Variants in MACROD2 observed in about 807,000 individuals in gnomAD.
MACROD2 encodes mono-ADP ribosylhydrolase 2, also known as ADP-ribose glycohydrolase MACROD2.
In MACROD2, 36 loss-of-function variants were observed where a neutral mutation model predicts 70.4. The ratio of observed to expected loss-of-function variants is 0.51; its 90% confidence interval spans 0.39 to 0.68. MACROD2 has a LOEUF of 0.68. MACROD2 is among the 30% of genes least tolerant of loss of function. The pLI is 0.00. For missense variants in MACROD2, 496 were observed against 538.4 expected (o/e 0.92, Z 0.78); for synonymous variants, 172 against 178.8 (o/e 0.96, Z 0.30).
At chr20:15,392,075 C>T (rs1182945087) in intron 6 of MACROD2, among the ~76,000 whole-genome samples, 1 of 152,056 alleles carries the variant, frequency 6.6e-6, no homozygotes, top group Non-Finnish European at 1.5e-5. Context: ...AGAGATACTC[C>T]TAATGGTTTA....
At chr20:14,757,955 C>G in intron 5 of MACROD2, 1 of 931,964 alleles carries the variant, frequency 1.1e-6, no homozygotes. Context: ...GAGTGCTGTG[C>G]CCCCTGGTGC....
intron 8 of MACROD2, among the ~76,000 whole-genome samples, chr20:15,696,250 A>G (rs1388348239): frequency 6.6e-6 from 1 of 152,158 alleles, no homozygotes; most frequent in Non-Finnish European, 1.5e-5. Context: ...TTTTAATCAT[A>G]AAGAGATGCT....
At chr20:15,609,623 T>G (rs914736347) in intron 8 of MACROD2, among the ~76,000 whole-genome samples, 5 of 152,150 alleles carry the variant, frequency 3.3e-5, no homozygotes, top group Non-Finnish European at 7.3e-5. Context: ...ACATGCAAGC[T>G]CTCAATAATG....
intron 5 of MACROD2, among the ~76,000 whole-genome samples, chr20:15,036,699 C>CA (rs2075315825): frequency 6.6e-6 from 1 of 152,016 alleles, no homozygotes; most frequent in Non-Finnish European, 1.5e-5. Context: ...CACAAAAACT[C>CA]ACCATCATCT....
chr20:14,027,841 GTC>G (rs1331221133), intron 2 of MACROD2, among the ~76,000 whole-genome samples: 5 of 152,212 alleles, frequency 3.3e-5, no homozygotes, highest in African/African-American at 1.2e-4. Context: ...TGTATGAGGT[GTC>G]TGTCGACCCC....
intron 7 of MACROD2, among the ~76,000 whole-genome samples, chr20:15,487,666 T>C (rs2047179532): frequency 6.6e-6 from 1 of 152,100 alleles, no homozygotes. Flanking sequence ...TAGAGTGTCA[T>C]GGCCAAGGTC....
intron 8 of MACROD2, among the ~76,000 whole-genome samples, chr20:15,745,011 T>C (rs1179783863): frequency 6.6e-6 from 1 of 152,170 alleles, no homozygotes; most frequent in Admixed American, 6.5e-5. Flanking sequence ...ACATTATGTA[T>C]TTGGGGACTT....
chr20:15,207,445 T>TTTG (rs1555792632), intron 5 of MACROD2, among the ~76,000 whole-genome samples: 1 of 135,792 alleles, frequency 7.4e-6, no homozygotes, highest in Admixed American at 7.4e-5. Context: ...GGTTTTTTTT[T>TTTG]TTTTTTTTTT....
chr20:14,896,313 A>G (rs1163622750), intron 5 of MACROD2, among the ~76,000 whole-genome samples: 1 of 152,116 alleles, frequency 6.6e-6, no homozygotes, highest in Non-Finnish European at 1.5e-5. Context: ...AAATAAATAA[A>G]ATTAAAAAAA....
intron 6 of MACROD2, among the ~76,000 whole-genome samples, chr20:15,387,738 A>AT (rs11304564): frequency 0.035 from 4,528 of 130,250 alleles, 105 homozygotes; most frequent in Non-Finnish European, 0.049. Flanking sequence ...AAACTCAGGG[A>AT]TTTTTTTTTT....
chr20:14,411,984 A>G (rs2083754865), intron 3 of MACROD2, among the ~76,000 whole-genome samples: 10 of 152,198 alleles, frequency 6.6e-5, no homozygotes, highest in Admixed American at 6.5e-4. Context: ...TGTATTTTCT[A>G]GAAGTGCCCC....
At chr20:14,872,432 C>T (rs2073499527) in intron 5 of MACROD2, among the ~76,000 whole-genome samples, 1 of 152,054 alleles carries the variant, frequency 6.6e-6, no homozygotes, top group African/African-American at 2.4e-5. Flanking sequence ...AAAGGGTAAA[C>T]AGCTAGACAG....
At chr20:15,186,288 G>A (rs1048315513) in intron 5 of MACROD2, among the ~76,000 whole-genome samples, 1 of 152,110 alleles carries the variant, frequency 6.6e-6, no homozygotes, top group Admixed American at 6.6e-5. Context: ...TAGGCAGTCA[G>A]CAGACGAACT....
chr20:15,920,200 GA>G (rs754421316), intron 10 of MACROD2, among the ~76,000 whole-genome samples: 3 of 152,182 alleles, frequency 2.0e-5, no homozygotes, highest in Non-Finnish European at 4.4e-5. Context: ...CAATAGATCT[GA>G]AATCACAAAA....
chr20:14,527,503 C>CA (rs61323104), intron 4 of MACROD2, among the ~76,000 whole-genome samples: 124,301 of 151,726 alleles, frequency 0.82, 51,327 homozygotes, highest in East Asian at 1. Flanking sequence ...ATTATATAGG[C>CA]AAAAAAAACC....
chr20:16,043,191 C>A (rs6043684), intron 16 of MACROD2, among the ~76,000 whole-genome samples: 88,081 of 151,830 alleles, frequency 0.58, 26,192 homozygotes, highest in East Asian at 0.7. Flanking sequence ...GGTTGTTGGC[C>A]TAGAGAAGCT....
At chr20:15,613,036 G>C (rs1424629587) in intron 8 of MACROD2, among the ~76,000 whole-genome samples, 1 of 152,204 alleles carries the variant, frequency 6.6e-6, no homozygotes, top group Non-Finnish European at 1.5e-5. Context: ...GGCAAAAAGG[G>C]AGAGAAATAT....
intron 13 of MACROD2, among the ~76,000 whole-genome samples, chr20:15,970,592 G>C (rs551374818): frequency 1.4e-3 from 214 of 152,208 alleles, no homozygotes; most frequent in African/African-American, 4.9e-3. Flanking sequence ...AGGAACCCAG[G>C]GAGAGCCCAG....
intron 3 of MACROD2, among the ~76,000 whole-genome samples, chr20:14,375,762 T>C (rs1020691194): frequency 6.6e-6 from 1 of 152,228 alleles, no homozygotes; most frequent in Non-Finnish European, 1.5e-5. Flanking sequence ...CTTGTAGATA[T>C]CGTGGAAACC....
Sources: gnomAD v4.1 joint callset for allele counts (sites outside exome capture counted in the v4.1 genomes callset) on GRCh38, gnomAD v4.1.1 for gene constraint, MANE v1.5 for transcripts, NCBI Gene and HGNC (gene_info 2026-07-23, HGNC 2026-07-21) for gene names.